AGR3: variants seen among roughly 807,000 people sequenced by gnomAD.
AGR3 encodes anterior gradient 3, protein disulphide isomerase family member.
In AGR3, 37 loss-of-function variants were observed where a neutral mutation model predicts 24.5. The ratio of observed to expected loss-of-function variants is 1.51; its 90% CI spans 1.16 to 1.99. The LOEUF (loss-of-function observed/expected upper bound fraction) is 1.99, where lower values mean the gene tolerates loss of function less well. AGR3 is among the 30% of genes most tolerant of loss of function. The pLI is 0.00. For missense variants in AGR3, 228 were observed against 191.1 expected (o/e 1.19, Z -1.14); for synonymous variants, 75 against 61.6 (o/e 1.22, Z -1.02).
At position 16,862,678 on chromosome 7, in the gene AGR3, A is replaced by G; in HGVS notation, c.174-16T>C. On this transcript the variant is annotated splice_polypyrimidine_tract_variant and intron_variant, in intron 3 of 7. Transcript: ENST00000310398. Reference sequence around the variant, plus strand: ...TGGCTTCTTACTAAACAAAGAAAGTATGGAATTAAGTCAAATGATTAACTT... The same window carrying G: ...TGGCTTCTTACTAAACAAAGAAAGTGTGGAATTAAGTCAAATGATTAACTT... 1 of 1,528,730 alleles carries G rather than the reference A, an allele frequency of 6.5e-7. No homozygotes were observed. The highest frequency in any genetic ancestry group is 8.8e-7 in the Non-Finnish European group (1 of 1,139,896). The allele number at this position is 1,528,730 out of a possible 1,614,324, so 94.7% of individuals were successfully genotyped here.
Position 16,859,431 on chromosome 7 carries a change from A to G in AGR3, c.*151T>C, listed in dbSNP as rs1781598470. The stretch of plus-strand genomic sequence containing the variant: ...TCAGTCTCAGATTTAAAAAACATTT[A>G]TTTTAATAAGACTATTGCAAACACA... On this transcript the variant is annotated 3_prime_UTR_variant, in exon 8 of 8. Transcript: ENST00000310398. The G allele has an allele frequency of 1.7e-6, 1 of 583,110 alleles. No individual in the cohort carries two copies. The highest frequency in any genetic ancestry group is 1.9e-5 in the African/African-American group (1 of 53,100). 36.1% of individuals were successfully genotyped at this position (583,110 alleles called of 1,614,324 possible).
At chr7:16,881,138 A>C (rs1782109782) in intron 1 of AGR3, among the ~76,000 whole-genome samples, 1 of 152,238 alleles carries the variant, frequency 6.6e-6, no homozygotes, top group African/African-American at 2.4e-5. Flanking sequence ...AGCAGGTGGA[A>C]TCTGCATTTT....
intron 2 of AGR3, among the ~76,000 whole-genome samples, chr7:16,878,040 A>G (rs1782023655): frequency 6.6e-6 from 1 of 152,110 alleles, no homozygotes; most frequent in Non-Finnish European, 1.5e-5. Context: ...AATATAGCAA[A>G]GACTTAGTTA....
intron 1 of AGR3, among the ~76,000 whole-genome samples, chr7:16,879,228 C>T (rs937288509): frequency 6.6e-6 from 1 of 152,190 alleles, no homozygotes; most frequent in Non-Finnish European, 1.5e-5. Flanking sequence ...TTTTGCCCTT[C>T]AGTTTATGAT....
At chr7:16,866,070 T>G in intron 3 of AGR3, 1 of 614,568 alleles carries the variant, frequency 1.6e-6, no homozygotes, top group Admixed American at 2.4e-5. Context: ...GTCTTTTGAA[T>G]TTTCTAAACC....
At chr7:16,877,348 A>G (rs1360322584) in intron 2 of AGR3, among the ~76,000 whole-genome samples, 1 of 147,942 alleles carries the variant, frequency 6.8e-6, no homozygotes, top group Admixed American at 6.8e-5. Flanking sequence ...TATATTTTAT[A>G]TATATATCAG....
chr7:16,870,396 A>T (rs1781842735), intron 3 of AGR3, among the ~76,000 whole-genome samples: 1 of 144,590 alleles, frequency 6.9e-6, no homozygotes, highest in East Asian at 2.3e-4. Context: ...TTCCTTCTAT[A>T]ATTGTGTTAG....
intron 1 of AGR3, among the ~76,000 whole-genome samples, chr7:16,879,634 T>C (rs1782064120): frequency 6.6e-6 from 1 of 152,250 alleles, no homozygotes; most frequent in Admixed American, 6.5e-5. Flanking sequence ...CTTACATTAT[T>C]TAGTATTGAA....
At chr7:16,858,340 G>A (rs1781581446), downstream of AGR3, among the ~76,000 whole-genome samples, 1 of 151,904 alleles carries the variant, frequency 6.6e-6, no homozygotes, top group Non-Finnish European at 1.5e-5. Flanking sequence ...GCTGATTTTA[G>A]GATTTCTATT....
chr7:16,876,864 C>T (rs1007216553), intron 2 of AGR3, among the ~76,000 whole-genome samples: 4 of 152,096 alleles, frequency 2.6e-5, no homozygotes, highest in South Asian at 2.1e-4. Flanking sequence ...GATGCCTTGA[C>T]GTATAGTTAT....
chr7:16,866,446 A>C (rs1262861293), intron 3 of AGR3: 1 of 261,836 alleles, frequency 3.8e-6, no homozygotes, highest in Non-Finnish European at 8.0e-6. Flanking sequence ...TGTTTTAAAA[A>C]ATGATTTTGC....
chr7:16,868,374 C>T (rs1033110500), intron 3 of AGR3, among the ~76,000 whole-genome samples: 4 of 152,096 alleles, frequency 2.6e-5, no homozygotes, highest in Admixed American at 6.5e-5. Context: ...AGGCTAGTCT[C>T]GAACTCCCGA....
downstream of AGR3, among the ~76,000 whole-genome samples, chr7:16,856,264 T>A (rs1430426662): frequency 6.6e-6 from 1 of 152,194 alleles, no homozygotes; most frequent in East Asian, 1.9e-4. Context: ...TAGAAAATAA[T>A]TTAGGTTTTA....
At chr7:16,874,670 T>A (rs1214215583) in intron 2 of AGR3, among the ~76,000 whole-genome samples, 1 of 152,164 alleles carries the variant, frequency 6.6e-6, no homozygotes, top group Admixed American at 6.5e-5. Flanking sequence ...TCAAATGTTG[T>A]CAGACCACAG....
intron 1 of AGR3, among the ~76,000 whole-genome samples, chr7:16,880,523 TCCCCTCCCCTCCCC>T (rs1562553874): frequency 3.2e-4 from 11 of 34,702 alleles, no homozygotes; most frequent in South Asian, 1.8e-3. Flanking sequence ...TCCCCTCCTC[TCCCCTCCCCTCCCC>T]TCCCCTCCTC....
downstream of AGR3, among the ~76,000 whole-genome samples, chr7:16,859,145 C>G (rs1487353356): frequency 6.6e-6 from 1 of 151,874 alleles, no homozygotes; most frequent in Non-Finnish European, 1.5e-5. Flanking sequence ...GGCCTATAAT[C>G]TCAGCACTCT....
intron 3 of AGR3, among the ~76,000 whole-genome samples, chr7:16,870,108 A>G (rs2115308112): frequency 6.6e-6 from 1 of 151,882 alleles, no homozygotes; most frequent in African/African-American, 2.4e-5. Context: ...TTTTCTTTTC[A>G]GTGTATTTAG....
intron 1 of AGR3, among the ~76,000 whole-genome samples, chr7:16,879,214 A>G (rs1353475643): frequency 6.6e-6 from 1 of 152,200 alleles, no homozygotes. Flanking sequence ...ACAATTACTC[A>G]GACTTTTGCC....
intron 1 of AGR3, among the ~76,000 whole-genome samples, chr7:16,880,068 C>T (rs191052119): frequency 1.2e-4 from 18 of 150,142 alleles, no homozygotes; most frequent in South Asian, 4.3e-4. Flanking sequence ...CCCTTCCTTC[C>T]TTCCCCTTCC....
Sources: allele counts gnomAD v4.1 joint callset (sites outside exome capture counted in the v4.1 genomes callset), GRCh38; gene constraint gnomAD v4.1.1; transcripts MANE v1.5; gene names NCBI Gene and HGNC (gene_info 2026-07-23, HGNC 2026-07-21).